Variants in PVT1 observed in about 807,000 individuals in gnomAD.
PVT1 encodes CXCR4/PVT1 fusion.
At chr8:128,093,612 G>A (rs937792373) in intron 5 of PVT1, among the ~76,000 whole-genome samples, 4 of 152,112 alleles carry the variant, frequency 2.6e-5, no homozygotes, top group East Asian at 3.9e-4. Flanking sequence ...CCTTTGGCAC[G>A]ACTATCACCT....
rs566044767 is a variant in PVT1, at chr8:127,837,366, A to T, written n.372+41295A>T. ...GTGGGCCTCAGCTGCTGCCACTGGC[A>T]TTGTATCACTGAAGCGTTTTTTGTT... is the stretch of plus-strand genomic sequence containing the variant. On this transcript the variant is annotated intron_variant and non_coding_transcript_variant, in intron 2 of 10. Transcript: ENST00000651587. Among the ~76,000 whole-genome samples, 7 of 150,164 alleles carry T rather than the reference A, an allele frequency of 4.7e-5. No homozygotes were observed. In the South Asian group the frequency reaches 1.5e-3, roughly 32 times the overall value.
intron 3 of PVT1, among the ~76,000 whole-genome samples, chr8:127,950,177 T>C (rs1334987042): frequency 6.6e-6 from 1 of 152,246 alleles, no homozygotes; most frequent in Non-Finnish European, 1.5e-5. Flanking sequence ...CTTTTACTGA[T>C]GATGCAGGCT....
intron 2 of PVT1, among the ~76,000 whole-genome samples, chr8:127,842,757 C>T (rs148709703): frequency 2.7e-3 from 416 of 152,240 alleles, no homozygotes; most frequent in African/African-American, 9.6e-3. Context: ...CCTTTTCATC[C>T]CTGAGCCAAT....
chr8:127,985,799 T>C (rs1171651338), intron 3 of PVT1, among the ~76,000 whole-genome samples: 1 of 152,202 alleles, frequency 6.6e-6, no homozygotes, highest in African/African-American at 2.4e-5. Flanking sequence ...TCTACCTCCA[T>C]GATCTATTTG....
chr8:127,985,094 C>T (rs1264288254), intron 3 of PVT1, among the ~76,000 whole-genome samples: 2 of 147,386 alleles, frequency 1.4e-5, no homozygotes, highest in Non-Finnish European at 1.5e-5. Flanking sequence ...AGTGTAGTGG[C>T]GTGATCTCGG....
intron 2 of PVT1, among the ~76,000 whole-genome samples, chr8:127,830,655 G>T (rs1391964167): frequency 1.3e-5 from 2 of 152,062 alleles, no homozygotes; most frequent in Non-Finnish European, 2.9e-5. Context: ...GGGCTGTGAT[G>T]GTTAATACTG....
At chr8:128,070,594 T>G (rs1406796455) in intron 5 of PVT1, among the ~76,000 whole-genome samples, 5 of 152,040 alleles carry the variant, frequency 3.3e-5, no homozygotes, top group Non-Finnish European at 5.9e-5. Context: ...CAGACATCAC[T>G]TTGTCATAAC....
chr8:127,796,097 C>A (rs1403026859), intron 2 of PVT1: 1 of 170,214 alleles, frequency 5.9e-6, no homozygotes, highest in Non-Finnish European at 1.5e-5. Context: ...ATATGCTGTA[C>A]CCATTGAATT....
intron 4 of PVT1, among the ~76,000 whole-genome samples, chr8:128,014,391 A>T (rs1461405381): frequency 6.6e-6 from 1 of 152,208 alleles, no homozygotes; most frequent in Non-Finnish European, 1.5e-5. Flanking sequence ...TGAGAAGGTC[A>T]TTCATTATTT....
intron 2 of PVT1, among the ~76,000 whole-genome samples, chr8:127,864,708 C>T (rs1044946785): frequency 1.1e-4 from 17 of 152,062 alleles, no homozygotes; most frequent in Admixed American, 4.6e-4. Context: ...CCACCACGCC[C>T]GGCTATTTTT....
intron 2 of PVT1, among the ~76,000 whole-genome samples, chr8:127,841,552 C>T (rs887788504): frequency 1.3e-5 from 2 of 152,138 alleles, no homozygotes; most frequent in African/African-American, 4.8e-5. Context: ...TGAGCCACCA[C>T]ATGTGGCTTA....
At chr8:127,814,445 G>A (rs915050275) in intron 2 of PVT1, among the ~76,000 whole-genome samples, 1 of 152,196 alleles carries the variant, frequency 6.6e-6, no homozygotes, top group East Asian at 1.9e-4. Context: ...TTAATGAGCA[G>A]TTCCAGCTGC....
intron 5 of PVT1, among the ~76,000 whole-genome samples, chr8:128,078,641 CTA>C (rs200843189): frequency 2.9e-4 from 44 of 151,892 alleles, no homozygotes; most frequent in African/African-American, 1.1e-3. Context: ...GAATCGTAGA[CTA>C]TATATATATA....
intron 4 of PVT1, among the ~76,000 whole-genome samples, chr8:128,027,352 C>T (rs1813315625): frequency 6.6e-6 from 1 of 152,224 alleles, no homozygotes; most frequent in African/African-American, 2.4e-5. Context: ...GAACCTCTCA[C>T]CCACAAGGTG....
At chr8:127,952,442 C>G (rs1413990180) in intron 3 of PVT1, among the ~76,000 whole-genome samples, 1 of 152,250 alleles carries the variant, frequency 6.6e-6, no homozygotes, top group East Asian at 1.9e-4. Flanking sequence ...TCATTGCTTA[C>G]TCAGCACAAA....
intron 3 of PVT1, among the ~76,000 whole-genome samples, chr8:127,956,386 G>C (rs1343497392): frequency 2.0e-5 from 3 of 152,274 alleles, no homozygotes; most frequent in Non-Finnish European, 2.9e-5. Context: ...GGGACAGATA[G>C]GGAGCTGTTG....
intron 2 of PVT1, among the ~76,000 whole-genome samples, chr8:127,886,409 C>T (rs1815524963): frequency 6.6e-6 from 1 of 152,186 alleles, no homozygotes. Flanking sequence ...CGATATTGAT[C>T]TTGCTCCATT....
intron 3 of PVT1, among the ~76,000 whole-genome samples, chr8:127,899,418 A>G (rs1815731380): frequency 6.6e-6 from 1 of 152,208 alleles, no homozygotes; most frequent in Admixed American, 6.5e-5. Context: ...TGACTGTCCT[A>G]GTTTCCGGCT....
chr8:127,916,541 G>A (rs1044676649), intron 3 of PVT1, among the ~76,000 whole-genome samples: 2 of 152,156 alleles, frequency 1.3e-5, no homozygotes, highest in African/African-American at 2.4e-5. Context: ...GTCATGGATT[G>A]ATGTGTCCGT....
Sources: gnomAD v4.1 joint callset for allele counts (sites outside exome capture counted in the v4.1 genomes callset) on GRCh38, gnomAD v4.1.1 for gene constraint, MANE v1.5 for transcripts, NCBI Gene and HGNC (gene_info 2026-07-23, HGNC 2026-07-21) for gene names.